DLG2: variants seen among roughly 807,000 people sequenced by gnomAD.
DLG2 encodes discs large MAGUK scaffold protein 2.
DLG2 carries 45 observed loss-of-function variants against 132.5 expected under a neutral mutation model. That is an observed-to-expected ratio of 0.34 (90% CI 0.27 to 0.44). DLG2 has a LOEUF of 0.44. Among genes scored for constraint, DLG2 ranks in the 20% least tolerant of loss-of-function variants. DLG2 has a pLI of 1.00. For synonymous variants in DLG2, 424 were observed against 419.6 expected (o/e 1.01, Z -0.13); for missense variants, 1,045 against 1,196.9 (o/e 0.87, Z 1.87).
intron 6 of DLG2, among the ~76,000 whole-genome samples, chr11:84,536,920 C>A (rs1022148559): frequency 3.3e-5 from 5 of 152,178 alleles, no homozygotes; most frequent in Non-Finnish European, 7.3e-5. Flanking sequence ...GCTGGCTAGC[C>A]TGTCTGTGGG....
At position 84,828,194 on chromosome 11, in the gene DLG2, C is replaced by A. The variant is rs1256434449; in HGVS notation, c.357+283467G>T. 2.6e-5 allele frequency among the ~76,000 whole-genome samples: 4 copies of A among 151,708 alleles called. No individual in the cohort carries two copies. In the South Asian group the frequency reaches 8.3e-4, roughly 31 times the overall value. The stretch of plus-strand genomic sequence containing the variant: ...GGAGAGAAAGAAAGCAGGGAAGTGT[C>A]ATTAGGTAAAACAGACAGGGTGGGA... On this transcript the variant is annotated intron_variant, in intron 6 of 27. Transcript: ENST00000376104.
At chr11:84,761,755 T>G (rs2067659159) in intron 6 of DLG2, among the ~76,000 whole-genome samples, 1 of 152,152 alleles carries the variant, frequency 6.6e-6, no homozygotes, top group Non-Finnish European at 1.5e-5. Context: ...TTTGAGGTTT[T>G]GGGACACAGA....
chr11:84,138,247 A>C (rs1205033557), intron 9 of DLG2, among the ~76,000 whole-genome samples: 3 of 152,204 alleles, frequency 2.0e-5, no homozygotes, highest in Non-Finnish European at 4.4e-5. Context: ...AGGTAATACA[A>C]TGGATGGATT....
At chr11:84,681,865 T>A (rs2099730972) in intron 6 of DLG2, among the ~76,000 whole-genome samples, 1 of 152,102 alleles carries the variant, frequency 6.6e-6, no homozygotes, top group Non-Finnish European at 1.5e-5. Flanking sequence ...TTGCTGACTT[T>A]TAGGCCTGAC....
chr11:84,871,047 G>A (rs748890001), intron 6 of DLG2, among the ~76,000 whole-genome samples: 10 of 152,138 alleles, frequency 6.6e-5, no homozygotes, highest in Admixed American at 2.6e-4. Context: ...AACAGCCTTC[G>A]GAGGATAATG....
At chr11:85,187,678 A>G (rs1271164345) in intron 4 of DLG2, among the ~76,000 whole-genome samples, 3 of 152,066 alleles carry the variant, frequency 2.0e-5, no homozygotes, top group Non-Finnish European at 4.4e-5. Flanking sequence ...TCCCATCTCC[A>G]CTCCATCCAG....
In DLG2 at chr11:83,787,312, G is replaced by GTTT. The variant is rs67059010; in HGVS notation, c.1723-523_1723-521dup. 2.4e-3 allele frequency among the ~76,000 whole-genome samples: 167 copies of GTTT among 69,586 alleles called. 8 individuals carry two copies. The highest frequency in any genetic ancestry group is 5.2e-3 in the South Asian group (10 of 1,908). 45.7% of individuals were successfully genotyped at this position (69,586 alleles called of 152,430 possible). Reference sequence around the variant, plus strand: ...GCCTGGTTAGACAGCCTTAAGCCTTGTTTTTTTTTTGTTTTTTTTTTTTTT... The same window carrying GTTT: ...GCCTGGTTAGACAGCCTTAAGCCTTGTTTTTTTTTTTTTGTTTTTTTTTTTTTT... On this transcript the variant is annotated intron_variant, in intron 17 of 27. Transcript: ENST00000376104.
intron 17 of DLG2, among the ~76,000 whole-genome samples, chr11:83,816,306 G>A (rs904648571): frequency 5.3e-5 from 8 of 152,158 alleles, no homozygotes; most frequent in Non-Finnish European, 1.2e-4. Context: ...TTAAGGAGCT[G>A]TTGCCATATG....
intron 6 of DLG2, among the ~76,000 whole-genome samples, chr11:84,575,633 T>C (rs1293774398): frequency 3.3e-5 from 5 of 152,220 alleles, no homozygotes; most frequent in African/African-American, 9.6e-5. Context: ...AATCACATCA[T>C]AGTAAGTGGG....
At chr11:84,022,703 T>C (rs535225733) in intron 11 of DLG2, among the ~76,000 whole-genome samples, 28 of 152,166 alleles carry the variant, frequency 1.8e-4, no homozygotes, top group African/African-American at 6.0e-4. Flanking sequence ...AATGAAAAAG[T>C]AGAAAAATGG....
rs148430510 is a variant in DLG2 at position 85,423,845 on chromosome 11, T to G, written c.41-138480A>C. On this transcript the variant is annotated intron_variant, in intron 3 of 27. Coordinates refer to ENST00000376104, the MANE Select transcript of DLG2 (RefSeq NM_001142699.3). ...AAGCATGGCTGAGAACTTGCCCCAC[T>G]ACCTGCATCCCAGCTGCAAAAGCAA... Among the ~76,000 whole-genome samples, 423 of 152,270 alleles carry G rather than the reference T, an allele frequency of 2.8e-3. 3 individuals carry two copies. The highest frequency in any genetic ancestry group is 0.017 in the Middle Eastern group (5 of 294).
At chr11:84,061,444 T>A (rs896406827) in intron 10 of DLG2, among the ~76,000 whole-genome samples, 1 of 152,244 alleles carries the variant, frequency 6.6e-6, no homozygotes, top group African/African-American at 2.4e-5. Context: ...ATTATAGAAA[T>A]GAGAAGACTT....
intron 19 of DLG2, among the ~76,000 whole-genome samples, chr11:83,629,867 A>T (rs539324927): frequency 2.2e-4 from 34 of 152,302 alleles, no homozygotes; most frequent in African/African-American, 7.9e-4. Flanking sequence ...CAGCATTTTG[A>T]AAAACATTTT....
intron 6 of DLG2, among the ~76,000 whole-genome samples, chr11:84,905,828 G>C (rs1042102341): frequency 1.6e-4 from 24 of 152,088 alleles, no homozygotes; most frequent in Non-Finnish European, 4.4e-5. Flanking sequence ...CTGTTGAAAA[G>C]CCTGAGCCAT....
intron 6 of DLG2, among the ~76,000 whole-genome samples, chr11:84,728,943 A>G (rs2062823091): frequency 6.6e-6 from 1 of 151,936 alleles, no homozygotes; most frequent in Admixed American, 6.6e-5. Context: ...GGTAGCCCCT[A>G]TATCATTTTT....
intron 6 of DLG2, among the ~76,000 whole-genome samples, chr11:84,971,216 G>C (rs1196586608): frequency 3.3e-5 from 5 of 152,076 alleles, no homozygotes; most frequent in African/African-American, 1.2e-4. Flanking sequence ...TGTGTCCTTT[G>C]TTGACTTTAA....
chr11:84,201,580 C>CTTTTTTTTTTTTTTTTTT (rs35796062), intron 8 of DLG2, among the ~76,000 whole-genome samples: 1 of 131,730 alleles, frequency 7.6e-6, no homozygotes, highest in Non-Finnish European at 1.7e-5. Flanking sequence ...TGGTTCTGGG[C>CTTTTTTTTTTTTTTTTTT]TTTTTTTTTT....
chr11:84,259,593 T>C (rs2097527436), intron 7 of DLG2, among the ~76,000 whole-genome samples: 1 of 152,154 alleles, frequency 6.6e-6, no homozygotes, highest in South Asian at 2.1e-4. Context: ...GGAAGCAACT[T>C]TGGAGGAAGC....
At chr11:84,075,163 A>G (rs1454146446) in intron 10 of DLG2, among the ~76,000 whole-genome samples, 1 of 152,166 alleles carries the variant, frequency 6.6e-6, no homozygotes, top group African/African-American at 2.4e-5. Context: ...CCTCCTCAGA[A>G]AGGCCTAACT....
Sources: allele counts gnomAD v4.1 joint callset (sites outside exome capture counted in the v4.1 genomes callset), GRCh38; gene constraint gnomAD v4.1.1; transcripts MANE v1.5; gene names NCBI Gene and HGNC (gene_info 2026-07-23, HGNC 2026-07-21).